ADGRL2: variants seen among roughly 807,000 people sequenced by gnomAD.
The protein encoded by ADGRL2 is calcium-independent alpha-latrotoxin receptor 2.
In ADGRL2, 44 loss-of-function variants were observed where a neutral mutation model predicts 157.4. The observed-to-expected ratio is 0.28, with a 90% confidence interval of 0.22 to 0.36. The LOEUF is 0.36. Among genes scored for constraint, ADGRL2 ranks in the 10% least tolerant of loss-of-function variants. The pLI, the probability that ADGRL2 is intolerant of heterozygous loss-of-function variation, is 1.00. For synonymous variants in ADGRL2, 585 were observed against 624.7 expected, an observed-to-expected ratio of 0.94 and a Z score of 0.95; for missense variants, 1,510 against 1,768.9, an observed-to-expected ratio of 0.85 and a Z score of 2.63.
intron 6 of ADGRL2, among the ~76,000 whole-genome samples, 198 bp from the exon 7 acceptor site, chr1:81,949,991 A>C (rs1327086317): frequency 6.6e-6 from 1 of 152,210 alleles, no homozygotes; most frequent in Non-Finnish European, 1.5e-5. Flanking sequence ...CTTAGCCATC[A>C]GTATAAATAA....
intron 3 of ADGRL2, among the ~76,000 whole-genome samples, chr1:81,923,960 C>CTA (rs1473317639): frequency 6.6e-6 from 1 of 152,136 alleles, no homozygotes; most frequent in African/African-American, 2.4e-5. Flanking sequence ...TTAGCAGCAA[C>CTA]TAAAGTGCAA....
intron 1 of ADGRL2, among the ~76,000 whole-genome samples, chr1:81,396,206 G>A (rs945710316): frequency 2.0e-5 from 3 of 152,086 alleles, no homozygotes; most frequent in African/African-American, 7.2e-5. Context: ...TCTCCTTGTA[G>A]AGATCTTTTA....
At chr1:81,884,172 G>A (rs2094066051) in intron 2 of ADGRL2, among the ~76,000 whole-genome samples, 2 of 152,082 alleles carry the variant, frequency 1.3e-5, no homozygotes, top group South Asian at 2.1e-4. Flanking sequence ...TTTTTGTAGA[G>A]ACGGGGTTTT....
intron 3 of ADGRL2, among the ~76,000 whole-genome samples, chr1:81,925,783 T>A (rs887107117): frequency 1.3e-5 from 2 of 152,034 alleles, no homozygotes; most frequent in African/African-American, 4.8e-5. Flanking sequence ...AAAGTGGAAA[T>A]TATATTAGTT....
rs1245053951 is a variant in ADGRL2, at chr1:81,966,719, G to C, written c.2349+110G>C. 3 of 857,892 alleles carry C rather than the reference G, an allele frequency of 3.5e-6. No homozygotes were observed. In the Admixed American group the frequency reaches 6.0e-5, roughly 17 times the overall value. The allele number at this position is 857,892 out of a possible 1,614,324, so 53.1% of individuals were successfully genotyped here. ...AGAGAACTGGGGAGATGGGAGGGAG[G>C]AAAGACAAGACCTTTCCATTTGAAT... On this transcript the variant is annotated intron_variant, in intron 13 of 23. Coordinates refer to ENST00000686636, the MANE Select transcript of ADGRL2 (RefSeq NM_001366006.2).
chr1:81,760,070 A>G (rs1390298406), intron 1 of ADGRL2, among the ~76,000 whole-genome samples: 1 of 152,116 alleles, frequency 6.6e-6, no homozygotes, highest in African/African-American at 2.4e-5. Flanking sequence ...TTTTAAATCA[A>G]TGAAGTAGGA....
At chr1:81,910,934 T>G (rs1193914684) in intron 3 of ADGRL2, among the ~76,000 whole-genome samples, 4 of 152,032 alleles carry the variant, frequency 2.6e-5, no homozygotes, top group Non-Finnish European at 4.4e-5. Flanking sequence ...CTTCCTTTTT[T>G]TTTTTACATG....
chr1:81,372,250 C>T (rs1000431142), intron 1 of ADGRL2, among the ~76,000 whole-genome samples: 1 of 152,004 alleles, frequency 6.6e-6, no homozygotes, highest in Admixed American at 6.5e-5. Flanking sequence ...AAAGTCAAAC[C>T]TTGCTGAGAA....
At chr1:81,618,699 G>A (rs1351315603) in intron 3 of ADGRL2, among the ~76,000 whole-genome samples, 1 of 152,160 alleles carries the variant, frequency 6.6e-6, no homozygotes, top group Non-Finnish European at 1.5e-5. Flanking sequence ...GTTTTACAAA[G>A]ACAAGGTGTT....
intron 5 of ADGRL2, 35 bp from the exon 6 acceptor site, chr1:81,942,934 T>G: frequency 6.5e-7 from 1 of 1,528,898 alleles, no homozygotes; most frequent in East Asian, 2.3e-5. Context: ...ATTTTTTAAC[T>G]TGGCTTAATT....
intron 3 of ADGRL2, among the ~76,000 whole-genome samples, chr1:81,919,506 G>T (rs1194287930): frequency 1.3e-5 from 2 of 151,448 alleles, no homozygotes; most frequent in African/African-American, 4.8e-5. Flanking sequence ...CTTAGTAATG[G>T]TGTTTCTGTT....
chr1:81,370,545 A>G (rs1025761479), intron 1 of ADGRL2, among the ~76,000 whole-genome samples: 1 of 152,166 alleles, frequency 6.6e-6, no homozygotes. Context: ...TACCCACAAC[A>G]TACTTTTATA....
chr1:81,797,330 T>C (rs1206397177), upstream of ADGRL2, among the ~76,000 whole-genome samples: 1 of 152,198 alleles, frequency 6.6e-6, no homozygotes, highest in Non-Finnish European at 1.5e-5. Flanking sequence ...GAAACAAAAT[T>C]AGAGTTTCAC....
intron 2 of ADGRL2, among the ~76,000 whole-genome samples, chr1:81,887,189 G>C (rs1202337761): frequency 6.6e-6 from 1 of 152,164 alleles, no homozygotes; most frequent in East Asian, 1.9e-4. Context: ...ATTTCTTACT[G>C]AACCAATTGA....
At chr1:81,736,927 C>A (rs1032470614) in intron 1 of ADGRL2, among the ~76,000 whole-genome samples, 2 of 152,084 alleles carry the variant, frequency 1.3e-5, no homozygotes, top group Non-Finnish European at 2.9e-5. Flanking sequence ...CTCTGTCTCC[C>A]GGGTTCACGC....
intron 2 of ADGRL2, among the ~76,000 whole-genome samples, chr1:81,872,345 G>C (rs997693498): frequency 6.6e-6 from 1 of 151,986 alleles, no homozygotes; most frequent in African/African-American, 2.4e-5. Flanking sequence ...CTTGTAGTGT[G>C]GTTTGAAGTC....
chr1:81,326,550 G>C (rs1224992785), intron 1 of ADGRL2, among the ~76,000 whole-genome samples: 1 of 152,166 alleles, frequency 6.6e-6, no homozygotes, highest in Non-Finnish European at 1.5e-5. Flanking sequence ...TAGGACTCCA[G>C]TGTCACACGG....
intron 2 of ADGRL2, among the ~76,000 whole-genome samples, chr1:81,542,255 G>A (rs182937184): frequency 2.7e-4 from 41 of 152,228 alleles, no homozygotes; most frequent in African/African-American, 8.9e-4. Context: ...CAAGTCTGTC[G>A]AGAGCAGCAG....
intron 1 of ADGRL2, among the ~76,000 whole-genome samples, chr1:81,746,991 C>T (rs542612231): frequency 2.8e-5 from 4 of 144,880 alleles, no homozygotes; most frequent in South Asian, 2.2e-4. Context: ...TGTGTATATA[C>T]GTATATACGT....
Sources: allele counts gnomAD v4.1 joint callset (sites outside exome capture counted in the v4.1 genomes callset), GRCh38; gene constraint gnomAD v4.1.1; transcripts MANE v1.5; gene names NCBI Gene and HGNC (gene_info 2026-07-23, HGNC 2026-07-21).